RAD51B: variants seen among roughly 807,000 people sequenced by gnomAD.
RAD51B encodes DNA repair protein RAD51 homolog 2.
In RAD51B, 38 loss-of-function variants were observed where a neutral mutation model predicts 42.2. The ratio of observed to expected loss-of-function variants is 0.90; its 90% CI spans 0.70 to 1.18. The LOEUF (loss-of-function observed/expected upper bound fraction) is 1.18, where lower values mean the gene tolerates loss of function less well. Among genes scored for constraint, RAD51B ranks in the 50% most tolerant of loss-of-function variants. RAD51B has a pLI of 0.00. For synonymous variants in RAD51B, 154 were observed against 145.2 expected (o/e 1.06, Z -0.43); for missense variants, 373 against 400.7 (o/e 0.93, Z 0.59).
intron 7 of RAD51B, among the ~76,000 whole-genome samples, chr14:68,247,498 A>C (rs1410126392): frequency 6.6e-6 from 1 of 152,210 alleles, no homozygotes; most frequent in African/African-American, 2.4e-5. Flanking sequence ...CTATTTCCTG[A>C]TGCCTGGTTT....
chr14:68,275,821 C>CACAT (rs1187154365), intron 7 of RAD51B, among the ~76,000 whole-genome samples: 5 of 151,636 alleles, frequency 3.3e-5, no homozygotes, highest in Non-Finnish European at 5.9e-5. Context: ...CACACACACA[C>CACAT]ACACACACAC....
intron 7 of RAD51B, among the ~76,000 whole-genome samples, chr14:68,170,517 C>T (rs1329852928): frequency 2.0e-5 from 3 of 152,066 alleles, no homozygotes; most frequent in African/African-American, 7.2e-5. Context: ...AGAAAGCTAT[C>T]ATTTAAAAAA....
chr14:68,602,522 CTAGATAGA>C (rs71129899), intron 10 of RAD51B, among the ~76,000 whole-genome samples: 5 of 129,778 alleles, frequency 3.9e-5, no homozygotes, highest in East Asian at 3.1e-4. Flanking sequence ...AGATAGCTAG[CTAGATAGA>C]TAGATAGATA....
intron 9 of RAD51B, among the ~76,000 whole-genome samples, chr14:68,428,002 G>A (rs1419735294): frequency 6.6e-6 from 1 of 152,180 alleles, no homozygotes; most frequent in African/African-American, 2.4e-5. Flanking sequence ...TATCACAGGA[G>A]TGAGTTCCTT....
At chr14:67,948,202 T>C (rs924594522) in intron 7 of RAD51B, among the ~76,000 whole-genome samples, 4 of 152,236 alleles carry the variant, frequency 2.6e-5, no homozygotes, top group African/African-American at 9.6e-5. Flanking sequence ...TATTTTAAGA[T>C]GGACTCTCCT....
At chr14:68,063,759 A>T (rs189710864) in intron 7 of RAD51B, among the ~76,000 whole-genome samples, 1 of 152,290 alleles carries the variant, frequency 6.6e-6, no homozygotes, top group Admixed American at 6.5e-5. Flanking sequence ...ATAAATAAAA[A>T]GGTGTCAGGC....
chr14:68,620,227 A>G (rs370084920), intron 10 of RAD51B, among the ~76,000 whole-genome samples: 2 of 152,324 alleles, frequency 1.3e-5, no homozygotes, highest in Admixed American at 6.5e-5. Context: ...AGGCTTACCC[A>G]AGAACTAGGC....
chr14:67,989,727 A>C (rs1304229750), intron 7 of RAD51B, among the ~76,000 whole-genome samples: 1 of 151,804 alleles, frequency 6.6e-6, no homozygotes, highest in South Asian at 2.1e-4. Flanking sequence ...AACCCCCCAC[A>C]GGCCACAACT....
At chr14:67,886,366 A>G (rs2043061119) in intron 6 of RAD51B, among the ~76,000 whole-genome samples, 1 of 152,132 alleles carries the variant, frequency 6.6e-6, no homozygotes, top group Non-Finnish European at 1.5e-5. Context: ...GTTATAGTCA[A>G]GCTGGTGGCC....
downstream of RAD51B, among the ~76,000 whole-genome samples, chr14:68,596,786 CG>C (rs1595012026): frequency 6.6e-6 from 1 of 152,228 alleles, no homozygotes; most frequent in East Asian, 1.9e-4. Flanking sequence ...CTCTTCCCAT[CG>C]TAAGGAAACA....
chr14:68,314,557 T>C (rs1165071388), intron 8 of RAD51B, among the ~76,000 whole-genome samples: 1 of 152,084 alleles, frequency 6.6e-6, no homozygotes, highest in African/African-American at 2.4e-5. Flanking sequence ...CACAGTTGAG[T>C]CTACAGAGCA....
At chr14:68,422,856 C>T (rs1241644574) in intron 9 of RAD51B, among the ~76,000 whole-genome samples, 4 of 152,290 alleles carry the variant, frequency 2.6e-5, no homozygotes, top group East Asian at 1.9e-4. Context: ...GTAACCTTCA[C>T]CTTACCTTGT....
intron 4 of RAD51B, among the ~76,000 whole-genome samples, chr14:67,860,145 A>C (rs1287577122): frequency 2.0e-5 from 3 of 152,182 alleles, no homozygotes; most frequent in Non-Finnish European, 4.4e-5. Context: ...TTCATGAACA[A>C]ATACTTTGAG....
At chr14:68,602,683 G>A (rs1024581168) in intron 10 of RAD51B, among the ~76,000 whole-genome samples, 3 of 152,168 alleles carry the variant, frequency 2.0e-5, no homozygotes, top group African/African-American at 7.2e-5. Context: ...GATTGGACAA[G>A]GCCCACCCAC....
intron 7 of RAD51B, among the ~76,000 whole-genome samples, chr14:68,013,239 T>C (rs1224755480): frequency 6.6e-6 from 1 of 152,124 alleles, no homozygotes; most frequent in Non-Finnish European, 1.5e-5. Context: ...TTAAGTAGAG[T>C]GTCTGGGTTC....
chr14:68,464,950 T>A (rs1359991298), intron 9 of RAD51B, among the ~76,000 whole-genome samples: 1 of 152,164 alleles, frequency 6.6e-6, no homozygotes, highest in Non-Finnish European at 1.5e-5. Context: ...AGGTGTGAGA[T>A]CCTTTTGGCT....
intron 10 of RAD51B, among the ~76,000 whole-genome samples, chr14:68,589,499 C>A (rs757930577): frequency 6.6e-6 from 1 of 152,248 alleles, no homozygotes; most frequent in Non-Finnish European, 1.5e-5. Flanking sequence ...AAGCCCCTCC[C>A]GACCTGGGAA....
intron 7 of RAD51B, among the ~76,000 whole-genome samples, chr14:67,965,947 A>C (rs1305421829): frequency 6.6e-6 from 1 of 152,188 alleles, no homozygotes; most frequent in Non-Finnish European, 1.5e-5. Context: ...CAAACCAGGA[A>C]GAAGGACTCA....
At chr14:67,825,740 T>G (rs2040810109) in intron 3 of RAD51B, among the ~76,000 whole-genome samples, 163 bp downstream of exon 3, 1 of 151,744 alleles carries the variant, frequency 6.6e-6, no homozygotes, top group Non-Finnish European at 1.5e-5. Flanking sequence ...ATGTGAAAAT[T>G]TTTTTTTTCT....
Sources: allele counts gnomAD v4.1 joint callset (sites outside exome capture counted in the v4.1 genomes callset), GRCh38; gene constraint gnomAD v4.1.1; transcripts MANE v1.5; gene names NCBI Gene and HGNC (gene_info 2026-07-23, HGNC 2026-07-21).